DPP6: variants seen among roughly 807,000 people sequenced by gnomAD.
DPP6 encodes the protein A-type potassium channel modulatory protein DPP6.
In DPP6, 69 loss-of-function variants were observed where a neutral mutation model predicts 122.6. That is an observed-to-expected ratio of 0.56 (90% CI 0.46 to 0.69). The LOEUF (loss-of-function observed/expected upper bound fraction) is 0.69. Ranked by LOEUF, DPP6 falls within the 30% of genes least tolerant of loss-of-function variation. The probability of loss-of-function intolerance (pLI) is 0.00; values close to 1 mark genes in which losing one functional copy is unlikely to be tolerated. For synonymous variants in DPP6, 418 were observed against 433.1 expected, an observed-to-expected ratio of 0.97 and a Z score of 0.43; for missense variants, 928 against 1,116.9, an observed-to-expected ratio of 0.83 and a Z score of 2.41.
At chr7:154,368,086 G>A (rs1038393752) in intron 1 of DPP6, among the ~76,000 whole-genome samples, 2 of 152,202 alleles carry the variant, frequency 1.3e-5, no homozygotes, top group African/African-American at 4.8e-5. Context: ...GAAGGCATGA[G>A]CCACCACACC....
At chr7:154,645,409 C>T (rs1175738146) in intron 6 of DPP6, among the ~76,000 whole-genome samples, 1 of 152,056 alleles carries the variant, frequency 6.6e-6, no homozygotes, top group African/African-American at 2.4e-5. Context: ...ACAACTCATA[C>T]ATCTGCCTGT....
At chr7:154,862,875 G>A (rs191490303) in intron 17 of DPP6, among the ~76,000 whole-genome samples, 2 of 152,360 alleles carry the variant, frequency 1.3e-5, no homozygotes, top group East Asian at 1.9e-4. Context: ...CCCAAACTGT[G>A]TCAGACTGAC....
At chr7:154,552,518 A>G (rs1404450217) in intron 4 of DPP6, among the ~76,000 whole-genome samples, 2 of 152,210 alleles carry the variant, frequency 1.3e-5, no homozygotes, top group African/African-American at 4.8e-5. Context: ...CCAAGCTCAC[A>G]ATGGGTTTGT....
At chr7:154,172,080 C>T (rs1797560494) in intron 1 of DPP6, among the ~76,000 whole-genome samples, 1 of 152,108 alleles carries the variant, frequency 6.6e-6, no homozygotes, top group Non-Finnish European at 1.5e-5. Context: ...GGATGTGCCT[C>T]CCTTTCACTG....
Position 154,064,922 on chromosome 7 carries a change from A to T in DPP6, c.243+11859A>T, listed in dbSNP as rs559715075. 6.6e-5 allele frequency among the ~76,000 whole-genome samples: 10 copies of T among 152,266 alleles called. No individual in the cohort carries two copies. In the East Asian group the frequency reaches 1.7e-3, roughly 27 times the overall value. ...GGCCAGGGAGGGAATCTCCATTAGGACAAAGTGGTTCTGCAGACCTTGCAG... is the reference window on the plus strand; with the variant it reads ...GGCCAGGGAGGGAATCTCCATTAGGTCAAAGTGGTTCTGCAGACCTTGCAG... On this transcript the variant is annotated intron_variant, in intron 1 of 25. Transcript: ENST00000377770.
the DPP6 span, among the ~76,000 whole-genome samples, chr7:153,789,371 G>T: frequency 1.3e-5 from 2 of 152,072 alleles, no homozygotes; most frequent in Non-Finnish European, 2.9e-5. Context: ...CAATGTAATT[G>T]TCTATCTACA....
intron 1 of DPP6, among the ~76,000 whole-genome samples, chr7:154,211,901 C>G (rs1260439780): frequency 6.6e-6 from 1 of 152,196 alleles, no homozygotes; most frequent in Non-Finnish European, 1.5e-5. Context: ...TAAACCTCCC[C>G]ATTATGAATT....
intron 1 of DPP6, among the ~76,000 whole-genome samples, chr7:154,271,657 A>C (rs957817950): frequency 1.3e-5 from 2 of 152,190 alleles, no homozygotes; most frequent in Admixed American, 6.5e-5. Context: ...TGTGACAGTC[A>C]TCAAAAGAAA....
At chr7:154,142,055 T>G (rs1795874172) in intron 1 of DPP6, among the ~76,000 whole-genome samples, 1 of 152,200 alleles carries the variant, frequency 6.6e-6, no homozygotes, top group South Asian at 2.1e-4. Context: ...CATCCCCTAT[T>G]CAGAATACAC....
intron 1 of DPP6, among the ~76,000 whole-genome samples, chr7:154,112,871 AC>A (rs1042909736): frequency 6.6e-6 from 1 of 152,172 alleles, no homozygotes; most frequent in African/African-American, 2.4e-5. Flanking sequence ...GAAACTTTGT[AC>A]CCATGGAACG....
intron 1 of DPP6, among the ~76,000 whole-genome samples, chr7:153,998,625 C>G (rs187256116): frequency 1.3e-5 from 2 of 152,306 alleles, no homozygotes; most frequent in Admixed American, 1.3e-4. Flanking sequence ...TAAACACTCA[C>G]CTGTAATGAG....
intron 5 of DPP6, chr7:154,588,067 C>T (rs749082789): frequency 6.2e-7 from 1 of 1,606,648 alleles, no homozygotes; most frequent in Admixed American, 1.7e-5. Flanking sequence ...GATTTCGGGC[C>T]AGAGAGCAAC....
chr7:153,765,552 A>AAC, the DPP6 span, among the ~76,000 whole-genome samples: 1 of 151,340 alleles, frequency 6.6e-6, no homozygotes, highest in African/African-American at 2.4e-5. Context: ...AAAAAAACAA[A>AAC]AAAAAAAAAC....
chr7:153,962,639 C>G, intron 1 of DPP6, among the ~76,000 whole-genome samples: 1 of 152,164 alleles, frequency 6.6e-6, no homozygotes. Flanking sequence ...AGACCCGATG[C>G]TCAGGAAGTA....
chr7:154,679,244 A>G lies in DPP6; in HGVS notation c.762+9803A>G, dbSNP rs927028609. On this transcript the variant is annotated intron_variant, in intron 7 of 25. Transcript: ENST00000377770. Reference sequence around the variant, plus strand: ...GGGGGAATGTTCAGAAAACAACATCAATTTCTACCTCCTGAAGTCGTCAGC... The same window carrying G: ...GGGGGAATGTTCAGAAAACAACATCGATTTCTACCTCCTGAAGTCGTCAGC... 2.0e-5 allele frequency among the ~76,000 whole-genome samples: 3 copies of G among 152,162 alleles called. No homozygotes were observed. In the South Asian group the frequency reaches 6.2e-4, roughly 32 times the overall value.
chr7:154,679,962 G>A (rs1405225361), intron 7 of DPP6, among the ~76,000 whole-genome samples: 2 of 152,152 alleles, frequency 1.3e-5, no homozygotes, highest in African/African-American at 4.8e-5. Context: ...ATATTCACTT[G>A]CACTCAAGTA....
intron 1 of DPP6, among the ~76,000 whole-genome samples, chr7:154,411,359 C>G (rs746432036): frequency 6.6e-6 from 1 of 152,120 alleles, no homozygotes; most frequent in Non-Finnish European, 1.5e-5. Flanking sequence ...CCCACCTCAC[C>G]CTCCCAAGTA....
At chr7:154,190,864 T>C (rs76676723) in intron 1 of DPP6, among the ~76,000 whole-genome samples, 4,169 of 152,308 alleles carry the variant, frequency 0.027, 200 homozygotes, top group African/African-American at 0.095. Context: ...CAAAATATTT[T>C]AGAAGCTTGC....
chr7:154,078,661 A>AT (rs1313068788), intron 1 of DPP6, among the ~76,000 whole-genome samples: 1 of 151,818 alleles, frequency 6.6e-6, no homozygotes, highest in Admixed American at 6.6e-5. Flanking sequence ...AGATTTGGGG[A>AT]TTTTTTTTGT....
Sources: allele counts gnomAD v4.1 joint callset (sites outside exome capture counted in the v4.1 genomes callset), GRCh38; gene constraint gnomAD v4.1.1; transcripts MANE v1.5; gene names NCBI Gene and HGNC (gene_info 2026-07-23, HGNC 2026-07-21).